The following ANKRD30A variants were observed in gnomAD, a reference collection of about 807,000 sequenced individuals.
The protein encoded by ANKRD30A is ankyrin repeat domain-containing protein 30A.
Under a neutral mutation model 166.3 loss-of-function variants are expected in ANKRD30A, and 170 were observed. That is an observed-to-expected ratio of 1.02 (90% CI 0.90 to 1.16). The LOEUF is 1.16. ANKRD30A is among the 50% of genes most tolerant of loss of function. The probability of loss-of-function intolerance (pLI) is 0.00; values close to 1 mark genes in which losing one functional copy is unlikely to be tolerated. For missense variants in ANKRD30A, 1,630 were observed against 1,518.0 expected, an observed-to-expected ratio of 1.07 and a Z score of -1.23; for synonymous variants, 564 against 508.9, an observed-to-expected ratio of 1.11 and a Z score of -1.46.
At chr10:37,137,116 TCC>T (rs1836753205) in intron 6 of ANKRD30A, among the ~76,000 whole-genome samples, 3 of 151,966 alleles carry the variant, frequency 2.0e-5, no homozygotes, top group African/African-American at 7.2e-5. Context: ...GATCAGGTTA[TCC>T]AATTTAATGA....
chr10:37,202,952 G>T (rs145104141), intron 31 of ANKRD30A, among the ~76,000 whole-genome samples: 1 of 152,080 alleles, frequency 6.6e-6, no homozygotes, highest in South Asian at 2.1e-4. Flanking sequence ...GAGAATCCCC[G>T]AATAGACCAA....
intron 31 of ANKRD30A, 63 bp downstream of exon 31, chr10:37,201,388 G>A: frequency 1.6e-6 from 2 of 1,280,684 alleles, no homozygotes; most frequent in East Asian, 5.2e-5. Context: ...TGATGAGGAA[G>A]GATATGCTCT....
At chr10:37,250,860 A>G in the ANKRD30A span, among the ~76,000 whole-genome samples, 4 of 152,328 alleles carry the variant, frequency 2.6e-5, no homozygotes, top group African/African-American at 9.6e-5. Context: ...GTATTTTGTT[A>G]CAGTAGATCA....
chr10:37,245,758 C>G, the ANKRD30A span, among the ~76,000 whole-genome samples: 4 of 152,110 alleles, frequency 2.6e-5, no homozygotes, highest in African/African-American at 9.7e-5. Flanking sequence ...GGAATCTTGA[C>G]TGGGAAAGAG....
chr10:37,136,256 G>A (rs571576105), intron 5 of ANKRD30A, among the ~76,000 whole-genome samples: 2 of 152,274 alleles, frequency 1.3e-5, no homozygotes, highest in East Asian at 1.9e-4. Flanking sequence ...ATTTTTAGAA[G>A]ACATTGAGCC....
At chr10:37,230,376 A>G (rs527654514) in intron 34 of ANKRD30A, among the ~76,000 whole-genome samples, 1 of 152,112 alleles carries the variant, frequency 6.6e-6, no homozygotes, top group African/African-American at 2.4e-5. Flanking sequence ...GATGTTAGTA[A>G]ATGAACTGAC....
At chr10:37,199,243 A>G (rs1177484594) in intron 29 of ANKRD30A, among the ~76,000 whole-genome samples, 1 of 152,142 alleles carries the variant, frequency 6.6e-6, no homozygotes. Context: ...TTGGACATAT[A>G]GTTGACTGAC....
intron 34 of ANKRD30A, among the ~76,000 whole-genome samples, chr10:37,224,866 A>G (rs1843071264): frequency 6.6e-6 from 1 of 151,182 alleles, no homozygotes; most frequent in African/African-American, 2.4e-5. Flanking sequence ...TTTTCTTTCT[A>G]TTTTTCTACT....
At chr10:37,261,099 T>TG in the ANKRD30A span, among the ~76,000 whole-genome samples, 1 of 152,164 alleles carries the variant, frequency 6.6e-6, no homozygotes, top group African/African-American at 2.4e-5. Flanking sequence ...ACAAAGATAC[T>TG]GAGGCTTATC....
the ANKRD30A span, chr10:37,264,580 T>G: frequency 2.2e-6 from 1 of 453,894 alleles, no homozygotes. Flanking sequence ...TGGTGTTCTT[T>G]GGCATCTACT....
intron 34 of ANKRD30A, among the ~76,000 whole-genome samples, chr10:37,222,967 A>G (rs976035196): frequency 6.6e-6 from 1 of 151,516 alleles, no homozygotes; most frequent in African/African-American, 2.4e-5. Context: ...GTTACAATTA[A>G]ATATATTATA....
downstream of ANKRD30A, among the ~76,000 whole-genome samples, chr10:37,232,750 A>G (rs1388291672): frequency 7.3e-6 from 1 of 136,994 alleles, no homozygotes; most frequent in East Asian, 2.3e-4. Flanking sequence ...AAAATTTTAA[A>G]ACTATATGCA....
At chr10:37,243,174 G>A in the ANKRD30A span, among the ~76,000 whole-genome samples, 2 of 142,272 alleles carry the variant, frequency 1.4e-5, no homozygotes, top group African/African-American at 5.2e-5. Flanking sequence ...TCGCTCTGTC[G>A]CCCAGGCTGG....
Position 37,125,974 on chromosome 10 carries a change from A to G in ANKRD30A, c.187A>G (p.Thr63Ala). The stretch of plus-strand genomic sequence containing the variant: ...GGAGAAGATGACAAAGAGGAAGAAG[A>G]CCATCAACCTTAATATACAAGACGC... ...KLEKMTKRKKTINLNIQDAQK... is the reference protein window; with the variant it reads ...KLEKMTKRKKAINLNIQDAQK... The change falls in exon 1 of 36, where the codon ACC (threonine) becomes GCC (alanine). Residue 63 changes from threonine to alanine, a missense_variant. Coordinates refer to ENST00000361713, the MANE Select transcript of ANKRD30A (RefSeq NM_052997.3). 1 of 1,611,798 alleles carries G rather than the reference A, an allele frequency of 6.2e-7. No individual in the cohort carries two copies. The highest frequency in any genetic ancestry group is 8.5e-7 in the Non-Finnish European group (1 of 1,179,822).
chr10:37,136,849 A>ATATG lies in ANKRD30A; in HGVS notation c.820+180_820+181insTGTA, dbSNP rs1459275775. 3.5e-3 allele frequency among the ~76,000 whole-genome samples: 534 copies of ATATG among 151,028 alleles called. 17 individuals carry two copies. The highest frequency in any genetic ancestry group is 0.027 in the Admixed American group (408 of 15,128). On this transcript the variant is annotated intron_variant, in intron 6 of 35. Transcript: ENST00000361713. ...TGTGTGTGTATATATATATATATAT[A>ATATG]TAGCTTTGATTTGATTTTTTGGTTT...
the ANKRD30A span, among the ~76,000 whole-genome samples, chr10:37,255,907 C>T: frequency 6.6e-6 from 1 of 152,212 alleles, no homozygotes; most frequent in African/African-American, 2.4e-5. Flanking sequence ...ATTCCCAGCT[C>T]TGAATCCTCC....
At chr10:37,135,555 C>A (rs755010808) in intron 5 of ANKRD30A, among the ~76,000 whole-genome samples, 5 of 152,080 alleles carry the variant, frequency 3.3e-5, no homozygotes, top group Non-Finnish European at 7.3e-5. Flanking sequence ...GAGAAAATAC[C>A]AACTTGCATC....
intron 31 of ANKRD30A, among the ~76,000 whole-genome samples, chr10:37,203,002 C>A (rs1270015769): frequency 6.6e-6 from 1 of 152,076 alleles, no homozygotes; most frequent in Non-Finnish European, 1.5e-5. Context: ...AATAGCCTAC[C>A]AACCAAGAAA....
At chr10:37,253,634 TAAGG>T in the ANKRD30A span, among the ~76,000 whole-genome samples, 1 of 150,264 alleles carries the variant, frequency 6.7e-6, no homozygotes, top group Non-Finnish European at 1.5e-5. Flanking sequence ...TCATTTATTA[TAAGG>T]TTTTCTTTTT....
Sources: gnomAD v4.1 joint callset for allele counts (sites outside exome capture counted in the v4.1 genomes callset) on GRCh38, gnomAD v4.1.1 for gene constraint, MANE v1.5 for transcripts, NCBI Gene and HGNC (gene_info 2026-07-23, HGNC 2026-07-21) for gene names.